The following KCNB2 variants were observed in gnomAD, a reference collection of about 807,000 sequenced individuals.
KCNB2 encodes the protein potassium voltage-gated channel subfamily B member 2, also known as delayed rectifier potassium channel protein.
In KCNB2, 15 loss-of-function variants were observed where a neutral mutation model predicts 61.5. The ratio of observed to expected loss-of-function variants is 0.24; its 90% CI spans 0.16 to 0.38. The LOEUF is 0.38. Among genes scored for constraint, KCNB2 ranks in the 10% least tolerant of loss-of-function variants. The pLI, the probability that KCNB2 is intolerant of heterozygous loss-of-function variation, is 1.00. For synonymous variants in KCNB2, 457 were observed against 446.0 expected, an observed-to-expected ratio of 1.02 and a Z score of -0.31; for missense variants, 828 against 1,125.2, an observed-to-expected ratio of 0.74 and a Z score of 3.78.
intron 2 of KCNB2, among the ~76,000 whole-genome samples, chr8:72,869,300 C>T (rs758829482): frequency 1.2e-4 from 19 of 152,116 alleles, no homozygotes; most frequent in Admixed American, 3.9e-4. Flanking sequence ...AGACCCTCCT[C>T]AAGGGTTTAG....
intron 2 of KCNB2, among the ~76,000 whole-genome samples, chr8:72,616,045 T>C (rs925094246): frequency 6.6e-6 from 1 of 152,176 alleles, no homozygotes; most frequent in Non-Finnish European, 1.5e-5. Context: ...GGCTACCTAT[T>C]GACAAGGGAA....
At chr8:72,816,568 A>G (rs1173710860) in intron 2 of KCNB2, among the ~76,000 whole-genome samples, 1 of 152,174 alleles carries the variant, frequency 6.6e-6, no homozygotes, top group Non-Finnish European at 1.5e-5. Flanking sequence ...ATGTCTCTGA[A>G]ACAGTTTAAT....
intron 2 of KCNB2, among the ~76,000 whole-genome samples, chr8:72,821,105 G>A (rs1412522089): frequency 1.3e-5 from 2 of 152,014 alleles, no homozygotes; most frequent in East Asian, 3.9e-4. Context: ...CTCAAAAGGC[G>A]ATATTATCCA....
At chr8:72,548,790 C>T (rs1433652149) in intron 1 of KCNB2, among the ~76,000 whole-genome samples, 1 of 152,118 alleles carries the variant, frequency 6.6e-6, no homozygotes, top group Non-Finnish European at 1.5e-5. Context: ...AAGTTCTTTC[C>T]TATTCGTAAT....
chr8:72,549,365 T>G (rs1806309155), intron 1 of KCNB2, among the ~76,000 whole-genome samples: 1 of 152,214 alleles, frequency 6.6e-6, no homozygotes, highest in Non-Finnish European at 1.5e-5. Context: ...ATAACAAAAG[T>G]ATATTTCTCA....
At chr8:72,741,472 G>T in intron 2 of KCNB2, among the ~76,000 whole-genome samples, 1 of 152,004 alleles carries the variant, frequency 6.6e-6, no homozygotes, top group Middle Eastern at 3.2e-3. Context: ...TGATTGCATG[G>T]ATAAGTTCTT....
At chr8:72,709,679 C>T (rs181224419) in intron 2 of KCNB2, among the ~76,000 whole-genome samples, 1 of 152,090 alleles carries the variant, frequency 6.6e-6, no homozygotes, top group Admixed American at 6.5e-5. Flanking sequence ...ATGAGGGATC[C>T]ACCCCGCTGA....
At chr8:72,652,671 C>T (rs980313037) in intron 2 of KCNB2, among the ~76,000 whole-genome samples, 2 of 151,878 alleles carry the variant, frequency 1.3e-5, no homozygotes. Flanking sequence ...GCTTAATGAC[C>T]GGTACCCTTT....
At chr8:72,912,720 A>C (rs1806322330) in intron 2 of KCNB2, among the ~76,000 whole-genome samples, 1 of 152,044 alleles carries the variant, frequency 6.6e-6, no homozygotes, top group South Asian at 2.1e-4. Context: ...AGCTCAAAGA[A>C]GATCAATCAG....
intron 2 of KCNB2, among the ~76,000 whole-genome samples, chr8:72,665,487 A>C (rs373732579): frequency 6.6e-6 from 1 of 151,016 alleles, no homozygotes; most frequent in African/African-American, 2.4e-5. Context: ...TAGAACATCC[A>C]TATATATATA....
At chr8:72,589,130 A>C (rs1807047385) in intron 2 of KCNB2, among the ~76,000 whole-genome samples, 1 of 152,184 alleles carries the variant, frequency 6.6e-6, no homozygotes, top group African/African-American at 2.4e-5. Flanking sequence ...TAGGCAGTCC[A>C]GAGCCCACAC....
intron 2 of KCNB2, among the ~76,000 whole-genome samples, chr8:72,668,293 C>G (rs1325553191): frequency 6.6e-6 from 1 of 152,136 alleles, no homozygotes; most frequent in African/African-American, 2.4e-5. Context: ...GACCTTAATT[C>G]CTCAGTTTCC....
At chr8:72,668,684 C>G (rs1318749223) in intron 2 of KCNB2, among the ~76,000 whole-genome samples, 1 of 152,090 alleles carries the variant, frequency 6.6e-6, no homozygotes, top group Non-Finnish European at 1.5e-5. Context: ...TAGGTCCATT[C>G]CCTTTATTAT....
At chr8:72,895,332 T>G (rs1805973806) in intron 2 of KCNB2, among the ~76,000 whole-genome samples, 1 of 152,108 alleles carries the variant, frequency 6.6e-6, no homozygotes, top group Non-Finnish European at 1.5e-5. Context: ...AGCAGACAGC[T>G]GTAGAAAGAT....
chr8:72,759,439 G>C (rs1336576902), intron 2 of KCNB2, among the ~76,000 whole-genome samples: 1 of 152,134 alleles, frequency 6.6e-6, no homozygotes, highest in African/African-American at 2.4e-5. Flanking sequence ...TATGTTAATA[G>C]GTGGCCATCA....
At position 72,709,203 on chromosome 8, in the gene KCNB2, G is replaced by C. The variant is rs186402519; in HGVS notation, c.579+140890G>C. ...AGAAATAAGATTTTTTCTTCAGAAA[G>C]AAAAACAAAAGTAAAAGAAAAATCT... On this transcript the variant is annotated intron_variant, in intron 2 of 2. Coordinates refer to ENST00000523207, the MANE Select transcript of KCNB2 (RefSeq NM_004770.3). Among the ~76,000 whole-genome samples, 707 of 152,078 alleles carry C rather than the reference G, an allele frequency of 4.6e-3. 7 individuals carry two copies. The highest frequency in any genetic ancestry group is 0.016 in the African/African-American group (675 of 41,490).
chr8:72,818,479 G>A (rs1809441425), intron 2 of KCNB2, among the ~76,000 whole-genome samples: 1 of 152,250 alleles, frequency 6.6e-6, no homozygotes, highest in Non-Finnish European at 1.5e-5. Flanking sequence ...GGCTCCCCTG[G>A]AAAATGCACA....
At chr8:72,924,712 C>A (rs1197684617) in intron 2 of KCNB2, among the ~76,000 whole-genome samples, 1 of 152,108 alleles carries the variant, frequency 6.6e-6, no homozygotes, top group African/African-American at 2.4e-5. Context: ...GTGCTTGGGC[C>A]CATTCAAATT....
At chr8:72,729,610 G>A (rs185979707) in intron 2 of KCNB2, among the ~76,000 whole-genome samples, 41 of 152,314 alleles carry the variant, frequency 2.7e-4, no homozygotes, top group African/African-American at 7.9e-4. Flanking sequence ...CTTGCCGGGC[G>A]CGGTGGCTCA....
Sources: allele counts gnomAD v4.1 joint callset (sites outside exome capture counted in the v4.1 genomes callset), GRCh38; gene constraint gnomAD v4.1.1; transcripts MANE v1.5; gene names NCBI Gene and HGNC (gene_info 2026-07-23, HGNC 2026-07-21).